Variants in PDCD1LG2 observed in about 807,000 individuals in gnomAD.
The protein encoded by PDCD1LG2 is B7 dendritic cell molecule.
In PDCD1LG2, 32 loss-of-function variants were observed where a neutral mutation model predicts 28.2. The observed-to-expected ratio is 1.13, with a 90% CI of 0.86 to 1.52. The LOEUF (loss-of-function observed/expected upper bound fraction) is 1.52. Ranked by LOEUF, PDCD1LG2 falls within the 40% of genes most tolerant of loss-of-function variation. The pLI is 0.00. For missense variants in PDCD1LG2, 385 were observed against 323.8 expected, an observed-to-expected ratio of 1.19 and a Z score of -1.45; for synonymous variants, 116 against 120.2, an observed-to-expected ratio of 0.97 and a Z score of 0.23.
At chr9:5,564,468 G>T (rs569477193) in intron 6 of PDCD1LG2, among the ~76,000 whole-genome samples, 58 of 152,156 alleles carry the variant, frequency 3.8e-4, no homozygotes, top group African/African-American at 1.4e-3. Flanking sequence ...ATGATGCCTT[G>T]GTACAATGAA....
intron 3 of PDCD1LG2, among the ~76,000 whole-genome samples, chr9:5,538,521 TA>T (rs1203264925): frequency 1.3e-5 from 2 of 151,692 alleles, no homozygotes; most frequent in Non-Finnish European, 1.5e-5. Context: ...CTGTCTCTAC[TA>T]AAAAATACAA....
intron 1 of PDCD1LG2, 35 bp downstream of exon 1, chr9:5,510,838 A>T (rs34954342): frequency 0.26 from 39,728 of 152,306 alleles, 5,530 homozygotes; most frequent in East Asian, 0.45. Context: ...CTCTCATACT[A>T]TTATGTTGTG....
chr9:5,517,336 C>T (rs192622163), intron 1 of PDCD1LG2, among the ~76,000 whole-genome samples: 3 of 152,334 alleles, frequency 2.0e-5, no homozygotes, highest in Admixed American at 2.0e-4. Flanking sequence ...GGCCTGGAAG[C>T]AGGCTTAAGG....
chr9:5,565,950 A>G (rs911526198), intron 6 of PDCD1LG2, among the ~76,000 whole-genome samples: 1 of 152,200 alleles, frequency 6.6e-6, no homozygotes, highest in African/African-American at 2.4e-5. Flanking sequence ...GAAAACAAAA[A>G]TAATTTAGAA....
At chr9:5,517,400 T>C (rs1820188501) in intron 1 of PDCD1LG2, among the ~76,000 whole-genome samples, 1 of 151,924 alleles carries the variant, frequency 6.6e-6, no homozygotes, top group Non-Finnish European at 1.5e-5. Flanking sequence ...TGGATGGCGG[T>C]TGGTAGGTCA....
chr9:5,527,846 T>G (rs1820408429), intron 2 of PDCD1LG2, among the ~76,000 whole-genome samples: 1 of 152,116 alleles, frequency 6.6e-6, no homozygotes, highest in African/African-American at 2.4e-5. Flanking sequence ...TCTTTTTTTT[T>G]GAGACAGAGT....
At chr9:5,546,849 G>C (rs1345533729) in intron 3 of PDCD1LG2, among the ~76,000 whole-genome samples, 1 of 152,166 alleles carries the variant, frequency 6.6e-6, no homozygotes, top group Non-Finnish European at 1.5e-5. Flanking sequence ...GACATACCAG[G>C]AGGCCCAGCT....
At position 5,560,892 on chromosome 9, in the gene PDCD1LG2, T is replaced by C. The variant is rs138396962; in HGVS notation, c.767-2270T>C. On this transcript the variant is annotated intron_variant, in intron 5 of 6. Transcript: ENST00000397747. ...TACCATTTTCCCCTAAGAGGAACCA[T>C]TCAACAGTTTGGGGCTCGAGGGTGA... is the stretch of plus-strand genomic sequence containing the variant. Among the ~76,000 whole-genome samples, 379 of 152,222 alleles carry C rather than the reference T, an allele frequency of 2.5e-3. 1 individual carries two copies. Among genetic ancestry groups the C allele is most frequent in the Non-Finnish European group, 3.9e-3 (262 of 68,022 alleles).
chr9:5,522,381 T>C (rs911328475), intron 1 of PDCD1LG2, among the ~76,000 whole-genome samples, 152 bp from the exon 2 acceptor site: 1 of 152,166 alleles, frequency 6.6e-6, no homozygotes, highest in Non-Finnish European at 1.5e-5. Context: ...CTCCAGGAAA[T>C]CAACCTATAA....
At chr9:5,515,414 G>A (rs1033415991) in intron 1 of PDCD1LG2, among the ~76,000 whole-genome samples, 1 of 152,178 alleles carries the variant, frequency 6.6e-6, no homozygotes, top group Non-Finnish European at 1.5e-5. Context: ...CATTCGGCAG[G>A]TCCTGAATTC....
chr9:5,537,491 A>C (rs1211237349), intron 3 of PDCD1LG2, among the ~76,000 whole-genome samples: 1 of 152,242 alleles, frequency 6.6e-6, no homozygotes, highest in Non-Finnish European at 1.5e-5. Context: ...AATGTCCAAC[A>C]ACGATAGACT....
chr9:5,568,309 G>A (rs377151439), intron 6 of PDCD1LG2, among the ~76,000 whole-genome samples: 1 of 152,220 alleles, frequency 6.6e-6, no homozygotes, highest in African/African-American at 2.4e-5. Context: ...AGGTGAGCGG[G>A]AGACAAGCGG....
rs1429466561 is a variant in PDCD1LG2 at position 5,522,609 on chromosome 9, AG to A, written c.55+10del. 6.2e-7 allele frequency: 1 copy of A among 1,613,072 alleles called. No individual in the cohort carries two copies. Among genetic ancestry groups the A allele is most frequent in the Non-Finnish European group, 8.5e-7 (1 of 1,179,124 alleles). ...AGCTTCACCAGATAGCAGGTAAGAAAGGACAAAGGGAGAGGCTTAAGAAAGA... is the reference window on the plus strand; with the variant it reads ...AGCTTCACCAGATAGCAGGTAAGAAAGACAAAGGGAGAGGCTTAAGAAAGA... On this transcript the variant is annotated intron_variant, in intron 2 of 6. Transcript: ENST00000397747.
In PDCD1LG2 at chr9:5,551,340, T is replaced by C. The variant is rs561993627; in HGVS notation, c.631+1736T>C. Among the ~76,000 whole-genome samples the C allele has an allele frequency of 1.8e-4, 28 of 152,326 alleles. 1 individual carries two copies. The East Asian group carries it at 2.7e-3, about 15-fold the overall frequency. ...GTCTTAGCTGGTAAGACAGAGCCTA[T>C]GATAAGGACTTGTGTGGCATGCAGG... On this transcript the variant is annotated intron_variant, in intron 4 of 6. Coordinates refer to ENST00000397747, the MANE Select transcript of PDCD1LG2 (RefSeq NM_025239.4).
chr9:5,536,899 G>T (rs1820590804), intron 3 of PDCD1LG2, among the ~76,000 whole-genome samples: 1 of 152,162 alleles, frequency 6.6e-6, no homozygotes, highest in African/African-American at 2.4e-5. Flanking sequence ...AAGGCTCTTG[G>T]GGTTCCCCTA....
At position 5,569,560 on chromosome 9, in the gene PDCD1LG2, C is replaced by T. The variant is rs1816731712; in HGVS notation, c.817-394C>T. On this transcript the variant is annotated intron_variant, in intron 6 of 6. Transcript: ENST00000397747. The surrounding 1 kb of genome is among the most constrained non-coding windows in gnomAD (Gnocchi z 4.1). The stretch of plus-strand genomic sequence containing the variant: ...GGGAGGAGCCCAGTGATGCAGTCTG[C>T]AATGTCATCATCCTGGAGCATGAAT... 6.6e-6 allele frequency among the ~76,000 whole-genome samples: 1 copy of T among 152,176 alleles called. No individual in the cohort carries two copies. Among genetic ancestry groups the T allele is most frequent in the Non-Finnish European group, 1.5e-5 (1 of 68,042 alleles).
At chr9:5,539,931 C>T (rs1376223949) in intron 3 of PDCD1LG2, among the ~76,000 whole-genome samples, 1 of 152,188 alleles carries the variant, frequency 6.6e-6, no homozygotes, top group African/African-American at 2.4e-5. Context: ...CCAACAATCG[C>T]AGAATATACA....
intron 3 of PDCD1LG2, among the ~76,000 whole-genome samples, chr9:5,547,107 C>T (rs371666172): frequency 3.3e-5 from 5 of 152,120 alleles, no homozygotes; most frequent in African/African-American, 7.2e-5. Context: ...TGTAAAAGGA[C>T]GTGGCACAAA....
At chr9:5,511,422 C>T (rs887749304) in intron 1 of PDCD1LG2, among the ~76,000 whole-genome samples, 1 of 152,184 alleles carries the variant, frequency 6.6e-6, no homozygotes, top group Non-Finnish European at 1.5e-5. Context: ...ATTGATTGCT[C>T]ACCGCCTGGA....
Sources: allele counts gnomAD v4.1 joint callset (sites outside exome capture counted in the v4.1 genomes callset), GRCh38; gene constraint gnomAD v4.1.1; non-coding constraint Gnocchi (gnomAD v3.1); transcripts MANE v1.5; gene names NCBI Gene and HGNC (gene_info 2026-07-23, HGNC 2026-07-21).